Variants in MME observed in about 807,000 individuals in gnomAD.
MME encodes the protein membrane metalloendopeptidase, also known as neprilysin.
A neutral mutation model predicts 113.2 loss-of-function variants in MME; 98 were observed. The ratio of observed to expected loss-of-function variants is 0.87; its 90% CI spans 0.74 to 1.02. MME has a LOEUF of 1.02. Among genes scored for constraint, MME ranks in the 50% least tolerant of loss-of-function variants. MME has a pLI of 0.00. For missense variants in MME, 836 were observed against 896.0 expected, an observed-to-expected ratio of 0.93 and a Z score of 0.86; for synonymous variants, 292 against 300.6, an observed-to-expected ratio of 0.97 and a Z score of 0.30.
At chr3:155,041,582 CACTTTAATCTTGAAGATGGT>C in intron 1 of MME, among the ~76,000 whole-genome samples, 1 of 152,174 alleles carries the variant, frequency 6.6e-6, no homozygotes, top group Non-Finnish European at 1.5e-5. Context: ...ATGCAATTGC[CACTTTAATCTTGAAGATGGT>C]GGTTCATATT....
intron 1 of MME, among the ~76,000 whole-genome samples, chr3:155,051,319 T>C (rs76654761): frequency 0.027 from 4,071 of 152,302 alleles, 83 homozygotes; most frequent in South Asian, 0.089. Context: ...TGGACTGCTG[T>C]GAATTCCATG....
At chr3:155,114,908 A>G in intron 3 of MME, 86 bp from the exon 4 acceptor site, 2 of 1,388,014 alleles carry the variant, frequency 1.4e-6, no homozygotes, top group Non-Finnish European at 2.0e-6. Flanking sequence ...GATGCAATCA[A>G]AAGGGAGCAA....
At chr3:155,026,593 G>A (rs750968655) in intron 1 of MME, among the ~76,000 whole-genome samples, 2 of 152,080 alleles carry the variant, frequency 1.3e-5, no homozygotes, top group African/African-American at 4.8e-5. Flanking sequence ...GTGTGGTGGC[G>A]CGTGCCTTTC....
intron 1 of MME, among the ~76,000 whole-genome samples, chr3:155,067,203 GAA>G (rs947619861): frequency 6.4e-5 from 4 of 62,366 alleles, no homozygotes; most frequent in East Asian, 9.0e-4. Context: ...CAGGCAATTT[GAA>G]AAAAAAAAAA....
At chr3:155,084,116 T>G in intron 1 of MME, 42 bp from the exon 2 acceptor site, 1 of 1,477,288 alleles carries the variant, frequency 6.8e-7, no homozygotes, top group Non-Finnish European at 9.5e-7. Flanking sequence ...TTTTCTTTTT[T>G]ATTTATTTGT....
chr3:155,142,354 T>G, intron 12 of MME, 24 bp downstream of exon 12: 1 of 1,569,910 alleles, frequency 6.4e-7, no homozygotes, highest in Non-Finnish European at 8.8e-7. Flanking sequence ...CTCTCTTTTC[T>G]TAAGACTTAA....
intron 22 of MME, among the ~76,000 whole-genome samples, chr3:155,178,425 T>C (rs1278817184): frequency 6.6e-6 from 1 of 152,154 alleles, no homozygotes; most frequent in African/African-American, 2.4e-5. Flanking sequence ...TTCTTTCTCT[T>C]CCAGTTGGTC....
chr3:155,120,334 G>A (rs1282404916), intron 8 of MME, among the ~76,000 whole-genome samples: 13 of 110,030 alleles, frequency 1.2e-4, no homozygotes, highest in African/African-American at 3.8e-4. Flanking sequence ...CAGATGAGTA[G>A]GTTGCGAAAA....
At position 155,143,426 on chromosome 3, in the gene MME, C is replaced by A; in HGVS notation, c.1189-17C>A. The A allele has an allele frequency of 1.2e-6, 2 of 1,610,314 alleles. No individual in the cohort carries two copies. Among genetic ancestry groups the A allele is most frequent in the Non-Finnish European group, 1.7e-6 (2 of 1,177,286 alleles). Reference sequence around the variant, plus strand: ...TTTCCTTCTGGTCAAATGCCATTTCCTTTTTCTTTTCCGTAGGCCCTTTAT... The same window carrying A: ...TTTCCTTCTGGTCAAATGCCATTTCATTTTTCTTTTCCGTAGGCCCTTTAT... On this transcript the variant is annotated splice_polypyrimidine_tract_variant and intron_variant, in intron 12 of 22. Transcript: ENST00000360490.
chr3:155,098,185 T>C (rs1716895955), intron 3 of MME, among the ~76,000 whole-genome samples: 1 of 152,070 alleles, frequency 6.6e-6, no homozygotes, highest in Non-Finnish European at 1.5e-5. Flanking sequence ...TGAAATACTT[T>C]GGTGAGATGA....
chr3:155,130,866 A>C (rs1720093659), intron 8 of MME, among the ~76,000 whole-genome samples: 1 of 151,980 alleles, frequency 6.6e-6, no homozygotes, highest in African/African-American at 2.4e-5. Flanking sequence ...TTTTTTTTTA[A>C]TTCAACAGAT....
chr3:155,131,935 C>G (rs750356021), intron 8 of MME, among the ~76,000 whole-genome samples: 1 of 152,158 alleles, frequency 6.6e-6, no homozygotes, highest in Admixed American at 6.5e-5. Flanking sequence ...GTTCCCCCAG[C>G]AAACTTCTTG....
At position 155,148,032 on chromosome 3, in the gene MME, TTCCA is replaced by T. The variant is rs1576644388; in HGVS notation, c.1498-517_1498-514del. Among the ~76,000 whole-genome samples, 10 of 152,314 alleles carry T rather than the reference TTCCA, an allele frequency of 6.6e-5. No homozygotes were observed. The East Asian group carries it at 9.6e-4, about 15-fold the overall frequency. On this transcript the variant is annotated intron_variant, in intron 15 of 22. Transcript: ENST00000360490. Reference sequence around the variant, plus strand: ...ACAGACTCAAAACCAAGTTCCTTGATTCCAGATCCCAGTTCCACCACTCATTTAA... The same window carrying T: ...ACAGACTCAAAACCAAGTTCCTTGATGATCCCAGTTCCACCACTCATTTAA...
intron 22 of MME, among the ~76,000 whole-genome samples, chr3:155,175,356 C>T (rs1712414661): frequency 6.6e-6 from 1 of 151,780 alleles, no homozygotes; most frequent in South Asian, 2.1e-4. Flanking sequence ...TTGATTAGCT[C>T]AGAAAACATT....
intron 3 of MME, among the ~76,000 whole-genome samples, chr3:155,092,329 C>A (rs1716364736): frequency 6.6e-6 from 1 of 152,174 alleles, no homozygotes; most frequent in Admixed American, 6.5e-5. Context: ...AAAGATAGTT[C>A]CAACTGTGAG....
chr3:155,083,886 T>C (rs1715401748), intron 1 of MME: 1 of 399,284 alleles, frequency 2.5e-6, no homozygotes, highest in Middle Eastern at 8.2e-4. Context: ...AGTCTTACTG[T>C]CTAATTTTGC....
At chr3:155,098,294 G>A (rs887076936) in intron 3 of MME, among the ~76,000 whole-genome samples, 2 of 152,040 alleles carry the variant, frequency 1.3e-5, no homozygotes, top group Non-Finnish European at 2.9e-5. Context: ...AGTGGCTCAC[G>A]GCTGTAATCC....
At chr3:155,127,467 G>A (rs558437207) in intron 8 of MME, among the ~76,000 whole-genome samples, 14 of 152,326 alleles carry the variant, frequency 9.2e-5, no homozygotes, top group South Asian at 4.1e-4. Flanking sequence ...CATACATTCC[G>A]TTGCTTAAAA....
chr3:155,045,227 T>A (rs2108123925), intron 1 of MME, among the ~76,000 whole-genome samples: 1 of 152,052 alleles, frequency 6.6e-6, no homozygotes, highest in Non-Finnish European at 1.5e-5. Flanking sequence ...CTTGGCTCAC[T>A]GCAATCTCTG....
Sources: allele counts gnomAD v4.1 joint callset (sites outside exome capture counted in the v4.1 genomes callset), GRCh38; gene constraint gnomAD v4.1.1; transcripts MANE v1.5; gene names NCBI Gene and HGNC (gene_info 2026-07-23, HGNC 2026-07-21).